RHBDL2: variants seen among roughly 807,000 people sequenced by gnomAD.
RHBDL2 encodes the protein rhomboid like 2, also known as rhomboid-related protein 2.
Under a neutral mutation model 31.7 loss-of-function variants are expected in RHBDL2, and 26 were observed. The ratio of observed to expected loss-of-function variants is 0.82; its 90% CI spans 0.60 to 1.14. The LOEUF is 1.14. Ranked by LOEUF, RHBDL2 falls within the 50% of genes most tolerant of loss-of-function variation. The pLI is 0.00. For missense variants in RHBDL2, 336 were observed against 364.4 expected, an observed-to-expected ratio of 0.92 and a Z score of 0.63; for synonymous variants, 123 against 127.2, an observed-to-expected ratio of 0.97 and a Z score of 0.22.
intron 1 of RHBDL2, among the ~76,000 whole-genome samples, chr1:38,927,563 TG>T (rs1222089951): frequency 1.3e-5 from 2 of 150,090 alleles, no homozygotes; most frequent in Admixed American, 1.3e-4. Context: ...AAAAAGGGCT[TG>T]CCATCTGCCT....
chr1:38,891,332 A>C lies in RHBDL2; in HGVS notation c.670+1832T>G, dbSNP rs548702940. ...ATTACATATTACATATTACAAAATTATATACATTTCCAAAGAAACACATTT... is the reference window on the plus strand; with the variant it reads ...ATTACATATTACATATTACAAAATTCTATACATTTCCAAAGAAACACATTT... On this transcript the variant is annotated intron_variant, in intron 6 of 7. Coordinates refer to ENST00000372990, the MANE Select transcript of RHBDL2 (RefSeq NM_017821.5). Among the ~76,000 whole-genome samples, 57 of 152,074 alleles carry C rather than the reference A, an allele frequency of 3.7e-4. No homozygotes were observed. In the South Asian group the frequency reaches 0.011, roughly 29 times the overall value.
chr1:38,915,518 A>T (rs1643220730), intron 3 of RHBDL2, 44 bp downstream of exon 3: 1 of 1,594,388 alleles, frequency 6.3e-7, no homozygotes, highest in East Asian at 2.2e-5. Flanking sequence ...GGTTACAATG[A>T]TATAATCACC....
chr1:38,913,818 C>T (rs1643191030), intron 3 of RHBDL2, among the ~76,000 whole-genome samples: 1 of 152,080 alleles, frequency 6.6e-6, no homozygotes, highest in Non-Finnish European at 1.5e-5. Context: ...AGGCCATCGG[C>T]ATTTAAGAAA....
chr1:38,917,952 C>A (rs1277378533), intron 2 of RHBDL2, among the ~76,000 whole-genome samples: 2 of 152,208 alleles, frequency 1.3e-5, no homozygotes, highest in East Asian at 3.9e-4. Context: ...TGTGGGTGAG[C>A]CTTGTCTAAT....
intron 4 of RHBDL2, among the ~76,000 whole-genome samples, chr1:38,904,267 G>A (rs1042977663): frequency 6.6e-6 from 1 of 152,008 alleles, no homozygotes; most frequent in Non-Finnish European, 1.5e-5. Flanking sequence ...TCAGGAGTTT[G>A]AGACCAGTCT....
intron 1 of RHBDL2, among the ~76,000 whole-genome samples, chr1:38,930,094 G>A (rs938497691): frequency 6.6e-6 from 1 of 152,098 alleles, no homozygotes; most frequent in African/African-American, 2.4e-5. Context: ...CTCTCTCCAT[G>A]GTCCACTCTG....
chr1:38,888,610 A>T (rs903440928), intron 6 of RHBDL2, among the ~76,000 whole-genome samples: 1 of 152,184 alleles, frequency 6.6e-6, no homozygotes, highest in African/African-American at 2.4e-5. Flanking sequence ...GTCCCTAAGC[A>T]GGAATGTGCC....
At chr1:38,918,520 A>T (rs1643267663) in intron 2 of RHBDL2, among the ~76,000 whole-genome samples, 1 of 152,214 alleles carries the variant, frequency 6.6e-6, no homozygotes, top group Non-Finnish European at 1.5e-5. Flanking sequence ...TGCTGCCTGA[A>T]GTAGACATTG....
intron 3 of RHBDL2, among the ~76,000 whole-genome samples, chr1:38,912,910 A>ATATATATATATATGTGTGTGTGTGTG (rs1399583863): frequency 1.7e-4 from 7 of 41,370 alleles, no homozygotes; most frequent in African/African-American, 6.4e-4. Context: ...ATATATATAT[A>ATATATATATATATGTGTGTGTGTGTG]TGTGTGTGTG....
intron 1 of RHBDL2, among the ~76,000 whole-genome samples, chr1:38,937,398 A>G (rs747498548): frequency 5.3e-5 from 8 of 152,296 alleles, no homozygotes; most frequent in African/African-American, 1.9e-4. Context: ...ACCTTGTTCA[A>G]TGAATTTGGG....
Position 38,911,641 on chromosome 1 carries a change from TGTGTGCGC to T in RHBDL2, c.396-215_396-208del, listed in dbSNP as rs1224754615. ...GTGTGTGTGTGTGTGTGTGTGTGTG[TGTGTGCGC>T]GCGCGCGCGCGTGTGTGACTTGCTG... On this transcript the variant is annotated intron_variant, in intron 3 of 7. Coordinates refer to ENST00000372990, the MANE Select transcript of RHBDL2 (RefSeq NM_017821.5). 8.7e-3 allele frequency among the ~76,000 whole-genome samples: 408 copies of T among 47,092 alleles called. 1 individual carries two copies. Among genetic ancestry groups the T allele is most frequent in the African/African-American group, 0.018 (369 of 20,468 alleles). 30.9% of individuals were successfully genotyped at this position (47,092 alleles called of 152,430 possible).
intron 1 of RHBDL2, 126 bp from the exon 2 acceptor site, chr1:38,919,463 T>A: frequency 1.2e-6 from 1 of 819,178 alleles, no homozygotes; most frequent in Non-Finnish European, 1.8e-6. Context: ...AATGCAGCTC[T>A]ACCATGTATC....
At chr1:38,933,181 G>A (rs1036381639) in intron 1 of RHBDL2, among the ~76,000 whole-genome samples, 2 of 152,120 alleles carry the variant, frequency 1.3e-5, no homozygotes, top group Non-Finnish European at 2.9e-5. Context: ...TGCAGCCACA[G>A]GGACGTCTTT....
intron 1 of RHBDL2, among the ~76,000 whole-genome samples, chr1:38,939,424 G>A (rs1195020693): frequency 1.3e-5 from 2 of 152,116 alleles, no homozygotes. Context: ...CACTTTGGGA[G>A]GCCAAGGCAG....
chr1:38,908,162 A>G (rs112219375), intron 4 of RHBDL2, among the ~76,000 whole-genome samples: 5 of 80,998 alleles, frequency 6.2e-5, no homozygotes, highest in African/African-American at 2.5e-4. Flanking sequence ...TCCAAATTTG[A>G]AAAAAAAAAA....
intron 4 of RHBDL2, among the ~76,000 whole-genome samples, chr1:38,897,546 C>T (rs907224477): frequency 2.0e-5 from 3 of 152,000 alleles, no homozygotes; most frequent in African/African-American, 2.4e-5. Context: ...ATATCCGTCT[C>T]CAAAAATATA....
intron 1 of RHBDL2, among the ~76,000 whole-genome samples, chr1:38,921,579 T>C (rs955456630): frequency 2.6e-5 from 4 of 152,164 alleles, no homozygotes; most frequent in African/African-American, 9.7e-5. Context: ...ATGAAACTCA[T>C]TAGGCAAGTT....
chr1:38,895,335 TA>T (rs1172684898), intron 5 of RHBDL2, among the ~76,000 whole-genome samples: 1 of 152,016 alleles, frequency 6.6e-6, no homozygotes, highest in African/African-American at 2.4e-5. Flanking sequence ...TGGTTTCCTT[TA>T]AAAAATAAAA....
intron 1 of RHBDL2, among the ~76,000 whole-genome samples, chr1:38,922,426 T>A (rs1176575023): frequency 2.9e-5 from 2 of 70,100 alleles, no homozygotes; most frequent in Non-Finnish European, 5.5e-5. Context: ...CACACCACCA[T>A]ACCCAGCTAT....
Sources: gnomAD v4.1 joint callset for allele counts (sites outside exome capture counted in the v4.1 genomes callset) on GRCh38, gnomAD v4.1.1 for gene constraint, MANE v1.5 for transcripts, NCBI Gene and HGNC (gene_info 2026-07-23, HGNC 2026-07-21) for gene names.